Variants in C10orf53 observed in about 807,000 individuals in gnomAD.
C10orf53 encodes chromosome 10 open reading frame 53, also known as UPF0728 protein C10orf53.
C10orf53 carries 8 observed loss-of-function variants against 9.4 expected under a neutral mutation model. The observed-to-expected ratio is 0.85, with a 90% CI of 0.50 to 1.53. C10orf53 has a LOEUF of 1.53. Ranked by LOEUF, C10orf53 falls within the 40% of genes most tolerant of loss-of-function variation. The pLI is 0.00. For synonymous variants in C10orf53, 48 were observed against 46.0 expected (o/e 1.04, Z -0.18); for missense variants, 117 against 117.8 (o/e 0.99, Z 0.03).
intron 1 of C10orf53, among the ~76,000 whole-genome samples, chr10:49,686,388 G>C (rs758733810): frequency 2.9e-4 from 44 of 152,148 alleles, no homozygotes; most frequent in Admixed American, 3.9e-4. Context: ...TATGAAATCA[G>C]TGCACCCTGA....
chr10:49,699,676 C>T (rs1402578412), downstream of C10orf53, among the ~76,000 whole-genome samples: 1 of 152,200 alleles, frequency 6.6e-6, no homozygotes. Flanking sequence ...CACCGTCACC[C>T]TTCCCAGAAG....
At chr10:49,702,341 T>G (rs1053110362), downstream of C10orf53, among the ~76,000 whole-genome samples, 2 of 152,100 alleles carry the variant, frequency 1.3e-5, no homozygotes, top group African/African-American at 4.8e-5. Flanking sequence ...AGGTATTTGA[T>G]CAAACATTAT....
intron 1 of C10orf53, among the ~76,000 whole-genome samples, chr10:49,690,303 G>A (rs1425750688): frequency 6.6e-6 from 1 of 152,124 alleles, no homozygotes; most frequent in Non-Finnish European, 1.5e-5. Context: ...CAAGGGCCAG[G>A]GTGTTCACCG....
At chr10:49,705,636 T>A (rs1306547940) in intron 2 of C10orf53, among the ~76,000 whole-genome samples, 2 of 151,874 alleles carry the variant, frequency 1.3e-5, no homozygotes, top group East Asian at 3.9e-4. Flanking sequence ...TCAAAATAGA[T>A]CGAAGACCTA....
chr10:49,700,177 C>T (rs1406368178), downstream of C10orf53, among the ~76,000 whole-genome samples: 1 of 152,222 alleles, frequency 6.6e-6, no homozygotes, highest in Non-Finnish European at 1.5e-5. Flanking sequence ...AATCCATTGG[C>T]ATGGCAGTCC....
At chr10:49,698,364 C>T (rs572926532), downstream of C10orf53, among the ~76,000 whole-genome samples, 2 of 152,214 alleles carry the variant, frequency 1.3e-5, no homozygotes, top group South Asian at 4.2e-4. Flanking sequence ...ATCAGCTCTC[C>T]AGGTAGGTTG....
chr10:49,706,513 A>C (rs1021137990), intron 2 of C10orf53, among the ~76,000 whole-genome samples: 1 of 152,238 alleles, frequency 6.6e-6, no homozygotes, highest in Non-Finnish European at 1.5e-5. Context: ...GAAGTGTCCA[A>C]ATAGGCAAAC....
chr10:49,705,032 G>A (rs1013878286), intron 2 of C10orf53, among the ~76,000 whole-genome samples: 11 of 152,156 alleles, frequency 7.2e-5, no homozygotes, highest in Non-Finnish European at 7.3e-5. Context: ...CACTAACAAG[G>A]GCCTGGTTAA....
intron 1 of C10orf53, among the ~76,000 whole-genome samples, chr10:49,692,293 G>A (rs539374832): frequency 7.2e-5 from 11 of 152,238 alleles, no homozygotes; most frequent in Admixed American, 1.3e-4. Flanking sequence ...AATTAGGGCC[G>A]CCTATGGGTA....
downstream of C10orf53, among the ~76,000 whole-genome samples, chr10:49,698,790 G>A (rs1368241706): frequency 2.6e-5 from 4 of 152,108 alleles, no homozygotes; most frequent in East Asian, 1.9e-4. Context: ...CTCATAGGAC[G>A]GGGCACTGCA....
chr10:49,684,563 G>A (rs753503586), intron 1 of C10orf53, among the ~76,000 whole-genome samples: 2 of 135,172 alleles, frequency 1.5e-5, no homozygotes, highest in Non-Finnish European at 3.1e-5. Flanking sequence ...CAGTGTATAA[G>A]ACTTGCACCT....
At chr10:49,697,600 G>T (rs1222215977), downstream of C10orf53, among the ~76,000 whole-genome samples, 3 of 152,208 alleles carry the variant, frequency 2.0e-5, no homozygotes, top group Non-Finnish European at 4.4e-5. Context: ...CACCGAGGCT[G>T]GAGTGCAGTG....
intron 1 of C10orf53, among the ~76,000 whole-genome samples, chr10:49,688,935 C>T (rs1357290839): frequency 6.6e-6 from 1 of 152,142 alleles, no homozygotes; most frequent in Non-Finnish European, 1.5e-5. Flanking sequence ...TCGTAATTAC[C>T]TACCTCAGCA....
At chr10:49,681,919 A>G (rs1840482718) in intron 1 of C10orf53, among the ~76,000 whole-genome samples, 1 of 152,180 alleles carries the variant, frequency 6.6e-6, no homozygotes, top group African/African-American at 2.4e-5. Context: ...GGGGGGCAAC[A>G]ATTCAATTCC....
downstream of C10orf53, among the ~76,000 whole-genome samples, chr10:49,698,311 C>G (rs371534908): frequency 2.0e-5 from 3 of 152,204 alleles, no homozygotes; most frequent in South Asian, 2.1e-4. Context: ...AAAAACCTGA[C>G]AATCCTTGCA....
Position 49,688,802 on chromosome 10 carries a change from A to T in C10orf53, c.98-4972A>T, listed in dbSNP as rs926407307. Among the ~76,000 whole-genome samples, 21 of 152,218 alleles carry T rather than the reference A, an allele frequency of 1.4e-4. No individual in the cohort carries two copies. The South Asian group carries it at 3.7e-3, about 27-fold the overall frequency. Reference sequence around the variant, plus strand: ...TCTTCAGCTTCATTCTCTCAGTCTCAAGATATTCCTCAAAAGTCACCTTCA... The same window carrying T: ...TCTTCAGCTTCATTCTCTCAGTCTCTAGATATTCCTCAAAAGTCACCTTCA... On this transcript the variant is annotated intron_variant, in intron 1 of 2. Transcript: ENST00000374111.
At chr10:49,694,396 A>G in intron 2 of C10orf53, 142 bp from the exon 3 acceptor site, 1 of 1,162,328 alleles carries the variant, frequency 8.6e-7, no homozygotes, top group Admixed American at 2.3e-5. Context: ...GCAATCCACT[A>G]ACACTCTATT....
chr10:49,708,530 C>G, exon 3 of C10orf53: 1 of 1,614,204 alleles, frequency 6.2e-7, no homozygotes, highest in Non-Finnish European at 8.5e-7. Context: ...GTATCCATTT[C>G]CAAACCAATC....
chr10:49,703,231 A>G (rs1840697383), intron 2 of C10orf53, among the ~76,000 whole-genome samples: 3 of 152,158 alleles, frequency 2.0e-5, no homozygotes, highest in Admixed American at 6.5e-5. Context: ...CATGCACATC[A>G]CTAATTAGAT....
Sources: gnomAD v4.1 joint callset for allele counts (sites outside exome capture counted in the v4.1 genomes callset) on GRCh38, gnomAD v4.1.1 for gene constraint, MANE v1.5 for transcripts, NCBI Gene and HGNC (gene_info 2026-07-23, HGNC 2026-07-21) for gene names.